KLHDC4: variants seen among roughly 807,000 people sequenced by gnomAD.
The protein encoded by KLHDC4 is kelch domain-containing protein 4.
A neutral mutation model predicts 62.4 loss-of-function variants in KLHDC4; 90 were observed. The ratio of observed to expected loss-of-function variants is 1.44; its 90% CI spans 1.22 to 1.72. The LOEUF (loss-of-function observed/expected upper bound fraction) is 1.72, where lower values mean the gene tolerates loss of function less well. Among genes scored for constraint, KLHDC4 ranks in the 40% most tolerant of loss-of-function variants. The probability of loss-of-function intolerance (pLI) is 0.00; values close to 1 mark genes in which losing one functional copy is unlikely to be tolerated. For synonymous variants in KLHDC4, 386 were observed against 284.4 expected (o/e 1.36, Z -3.59); for missense variants, 1,025 against 699.7 (o/e 1.47, Z -5.25).
intron 5 of KLHDC4, among the ~76,000 whole-genome samples, chr16:87,732,181 C>T (rs2040501988): frequency 1.3e-5 from 2 of 151,834 alleles, no homozygotes; most frequent in Admixed American, 6.6e-5. Context: ...CTGCAACCTC[C>T]GCCTCCAGGG....
At chr16:87,705,978 G>A (rs997836391), downstream of KLHDC4, among the ~76,000 whole-genome samples, 9 of 152,052 alleles carry the variant, frequency 5.9e-5, no homozygotes, top group East Asian at 1.9e-4. Context: ...GTGCGGGGTC[G>A]GTGCAACACA....
intron 1 of KLHDC4, chr16:87,765,011 T>C (rs574553141): frequency 9.4e-5 from 39 of 416,788 alleles, no homozygotes; most frequent in African/African-American, 7.5e-4. Context: ...TACCACTTCA[T>C]GGTTCACCTG....
intron 4 of KLHDC4, among the ~76,000 whole-genome samples, chr16:87,754,593 C>T (rs540974385): frequency 6.6e-6 from 1 of 152,312 alleles, no homozygotes; most frequent in East Asian, 1.9e-4. Flanking sequence ...ACTGGAGAGG[C>T]AGGCACTCAT....
At chr16:87,752,252 A>G (rs1006665834) in intron 4 of KLHDC4, among the ~76,000 whole-genome samples, 2 of 146,834 alleles carry the variant, frequency 1.4e-5, no homozygotes, top group Admixed American at 6.7e-5. Flanking sequence ...ACAAAAAAGA[A>G]AAAAAAAAAA....
At chr16:87,756,144 G>A (rs577826200) in intron 3 of KLHDC4, 15 of 335,818 alleles carry the variant, frequency 4.5e-5, no homozygotes, top group East Asian at 3.8e-4. Context: ...GGGTGCGCCC[G>A]CCAAGAGTGA....
downstream of KLHDC4, among the ~76,000 whole-genome samples, chr16:87,705,862 C>T (rs1360409960): frequency 6.6e-6 from 1 of 152,218 alleles, no homozygotes; most frequent in Non-Finnish European, 1.5e-5. Context: ...CTCTTCCAAC[C>T]AGCTTAGCTG....
At chr16:87,730,925 C>T (rs2040236948) in intron 5 of KLHDC4, 1 of 268,334 alleles carries the variant, frequency 3.7e-6, no homozygotes, top group Non-Finnish European at 7.0e-6. Flanking sequence ...AAACTGGACT[C>T]CGCCAACATA....
intron 9 of KLHDC4, 167 bp downstream of exon 9, chr16:87,711,068 C>G (rs1763404598): frequency 3.1e-6 from 2 of 646,280 alleles, no homozygotes; most frequent in African/African-American, 1.8e-5. Context: ...AAGGGCTCTC[C>G]AAGCCTAGTC....
intron 6 of KLHDC4, among the ~76,000 whole-genome samples, 180 bp downstream of exon 6, chr16:87,730,372 A>G (rs2040127688): frequency 6.6e-6 from 1 of 152,248 alleles, no homozygotes; most frequent in African/African-American, 2.4e-5. Context: ...GCATGAAGCC[A>G]GTGTGAGGCC....
intron 9 of KLHDC4, chr16:87,709,934 A>C (rs1597378612): frequency 8.3e-6 from 4 of 479,392 alleles, no homozygotes; most frequent in South Asian, 3.3e-5. Context: ...GCCGCTCCAC[A>C]CCTCCACTGA....
chr16:87,708,354 G>T lies in KLHDC4; in HGVS notation c.1560C>A (p.Asp520Glu), dbSNP rs747720660. The change falls in exon 11 of 12, where the codon GAC becomes GAA. Residue 520 changes from aspartate to glutamate, a missense_variant. Physicochemically the swap from Asp to Glu is conservative, Grantham distance 45. Transcript: ENST00000270583. ...CGCCAGCCCGAGCCCGCTCACCTCA[G>T]TCCTCCGCACCGCTCTCCTCTCCGC... ...EDSGEESGAE[D>E] 1.3e-6 allele frequency: 2 copies of T among 1,593,784 alleles called. No homozygotes were observed. Among genetic ancestry groups the T allele is most frequent in the Non-Finnish European group, 1.7e-6 (2 of 1,169,058 alleles).
chr16:87,703,056 C>G (rs1239728177), downstream of KLHDC4: 1 of 152,270 alleles, frequency 6.6e-6, no homozygotes, highest in Non-Finnish European at 1.5e-5. Flanking sequence ...TCGTGTGACA[C>G]TTTGGAACGC....
chr16:87,730,548 C>T lies in KLHDC4; in HGVS notation c.599+4G>A, dbSNP rs368294495. The T allele has an allele frequency of 7.5e-6, 12 of 1,605,438 alleles. No homozygotes were observed. Among genetic ancestry groups the T allele is most frequent in the Non-Finnish European group, 9.3e-6 (11 of 1,177,376 alleles). ...AGAAAGATTTTTCCGTTCTTGGTAC[C>T]AACCGTGTACTTTCATGGAAGCCAC... On this transcript the variant is annotated splice_donor_region_variant and intron_variant, in intron 6 of 11. Coordinates refer to ENST00000270583, the MANE Select transcript of KLHDC4 (RefSeq NM_017566.4).
At chr16:87,711,967 C>A (rs1259434323) in intron 8 of KLHDC4, among the ~76,000 whole-genome samples, 24 of 147,706 alleles carry the variant, frequency 1.6e-4, no homozygotes, top group African/African-American at 4.9e-4. Flanking sequence ...TGCAAGGGGA[C>A]CCTTCGCCCA....
At chr16:87,743,512 G>A (rs1472496047) in intron 5 of KLHDC4, among the ~76,000 whole-genome samples, 6 of 152,044 alleles carry the variant, frequency 3.9e-5, no homozygotes, top group Non-Finnish European at 8.8e-5. Flanking sequence ...GGCCGAGGTG[G>A]GTGGATCATG....
intron 3 of KLHDC4, chr16:87,755,500 A>G (rs536598387): frequency 2.2e-6 from 1 of 445,292 alleles, no homozygotes; most frequent in African/African-American, 2.0e-5. Flanking sequence ...CAGGCCCATC[A>G]ATCTGGAAGG....
chr16:87,729,378 A>G (rs2039940502), intron 6 of KLHDC4: 1 of 152,212 alleles, frequency 6.6e-6, no homozygotes, highest in African/African-American at 2.4e-5. Flanking sequence ...AGGGACCAGT[A>G]GAGAAAGAGG....
At chr16:87,708,122 G>C (rs775252292) in intron 11 of KLHDC4, 47 bp from the exon 12 acceptor site, 47 of 663,978 alleles carry the variant, frequency 7.1e-5, no homozygotes, top group Admixed American at 6.5e-4. Context: ...ATTCAGCCGA[G>C]GGGGAGGCCC....
intron 7 of KLHDC4, among the ~76,000 whole-genome samples, chr16:87,716,307 T>G (rs1179170442): frequency 6.6e-6 from 1 of 152,000 alleles, no homozygotes; most frequent in Admixed American, 6.6e-5. Context: ...ACGTAGACTT[T>G]GGGTACACGC....
Sources: allele counts gnomAD v4.1 joint callset (sites outside exome capture counted in the v4.1 genomes callset), GRCh38; gene constraint gnomAD v4.1.1; transcripts MANE v1.5; gene names NCBI Gene and HGNC (gene_info 2026-07-23, HGNC 2026-07-21).